Variants in PTPRD observed in about 807,000 individuals in gnomAD.
PTPRD encodes the protein receptor-type tyrosine-protein phosphatase delta.
Under a neutral mutation model 214.5 loss-of-function variants are expected in PTPRD, and 34 were observed. That is an observed-to-expected ratio of 0.16 (90% CI 0.12 to 0.21). PTPRD has a LOEUF of 0.21. Ranked by LOEUF, PTPRD falls within the 10% of genes least tolerant of loss-of-function variation. PTPRD has a pLI of 1.00. For missense variants in PTPRD, 2,545 were observed against 2,398.7 expected (o/e 1.06, Z -1.27); for synonymous variants, 1,128 against 845.7 (o/e 1.33, Z -5.79).
chr9:8,806,161 G>A (rs2096674786), intron 11 of PTPRD, among the ~76,000 whole-genome samples: 1 of 150,876 alleles, frequency 6.6e-6, no homozygotes, highest in East Asian at 2.0e-4. Flanking sequence ...CTGATCTCAG[G>A]TGATCCACCC....
intron 12 of PTPRD, among the ~76,000 whole-genome samples, chr9:8,657,751 ACTAAGT>A (rs1414444504): frequency 6.6e-6 from 1 of 152,134 alleles, no homozygotes; most frequent in Non-Finnish European, 1.5e-5. Context: ...CATACATTTT[ACTAAGT>A]CTAAGTTTTA....
At chr9:10,408,090 T>C (rs944302080) in intron 2 of PTPRD, among the ~76,000 whole-genome samples, 1 of 151,586 alleles carries the variant, frequency 6.6e-6, no homozygotes, top group Admixed American at 6.6e-5. Context: ...ATGAACCCCA[T>C]GGCATTTCCC....
chr9:9,681,450 T>C (rs1182561460), intron 7 of PTPRD, among the ~76,000 whole-genome samples: 2 of 151,740 alleles, frequency 1.3e-5, no homozygotes, highest in Non-Finnish European at 2.9e-5. Context: ...CCCCAAGCAA[T>C]ATTTGAGTAG....
chr9:8,514,357 CA>C (rs2097744347), intron 21 of PTPRD, among the ~76,000 whole-genome samples: 1 of 152,030 alleles, frequency 6.6e-6, no homozygotes, highest in Non-Finnish European at 1.5e-5. Context: ...TTCCTACCAT[CA>C]GAAAATAAAA....
At chr9:8,699,433 T>C (rs2098019640) in intron 12 of PTPRD, among the ~76,000 whole-genome samples, 1 of 152,178 alleles carries the variant, frequency 6.6e-6, no homozygotes, top group African/African-American at 2.4e-5. Flanking sequence ...TGAGGACATT[T>C]TTCCCCCATA....
Position 8,615,770 on chromosome 9 carries a change from C to T in PTPRD, c.352+17547G>A, listed in dbSNP as rs1239464369. Among the ~76,000 whole-genome samples, 5 of 152,116 alleles carry T rather than the reference C, an allele frequency of 3.3e-5. No individual in the cohort carries two copies. In the South Asian group the frequency reaches 1.0e-3, roughly 32 times the overall value. ...AAAAAAAAATTTTGAGAGGAAAATG[C>T]ATGCCCCAATAATAAATTTGTCCTT... On this transcript the variant is annotated intron_variant, in intron 14 of 45. Transcript: ENST00000381196.
At chr9:8,644,112 A>G (rs1294903922) in intron 12 of PTPRD, among the ~76,000 whole-genome samples, 1 of 151,578 alleles carries the variant, frequency 6.6e-6, no homozygotes, top group Admixed American at 6.6e-5. Flanking sequence ...AAAAGGCACG[A>G]CTCTCTCTGT....
At chr9:9,388,361 C>G (rs1183053870) in intron 9 of PTPRD, among the ~76,000 whole-genome samples, 1 of 152,158 alleles carries the variant, frequency 6.6e-6, no homozygotes, top group Non-Finnish European at 1.5e-5. Flanking sequence ...ACCACACACT[C>G]CTCTACTCAG....
chr9:10,330,181 T>C (rs1424616855), intron 3 of PTPRD, among the ~76,000 whole-genome samples: 2 of 151,846 alleles, frequency 1.3e-5, no homozygotes, highest in African/African-American at 4.8e-5. Context: ...ACTGGGACTA[T>C]GAGATTGACC....
intron 14 of PTPRD, among the ~76,000 whole-genome samples, chr9:8,537,374 C>T (rs557110934): frequency 6.6e-6 from 1 of 151,842 alleles, no homozygotes; most frequent in African/African-American, 2.4e-5. Flanking sequence ...CATGACATTC[C>T]AAATGGAACA....
At chr9:8,721,240 C>G (rs1191761293) in intron 12 of PTPRD, among the ~76,000 whole-genome samples, 1 of 151,372 alleles carries the variant, frequency 6.6e-6, no homozygotes, top group Non-Finnish European at 1.5e-5. Flanking sequence ...ACTAGCCTGC[C>G]CAACATGGCA....
chr9:9,762,975 G>A (rs2098673054), intron 6 of PTPRD, among the ~76,000 whole-genome samples: 1 of 152,176 alleles, frequency 6.6e-6, no homozygotes. Context: ...CTCTTGGCTT[G>A]TTGGTGGTTG....
intron 2 of PTPRD, among the ~76,000 whole-genome samples, chr9:10,522,672 T>C (rs1423579140): frequency 6.6e-6 from 1 of 152,018 alleles, no homozygotes; most frequent in African/African-American, 2.4e-5. Flanking sequence ...AACCATCATA[T>C]AATGTTTTAC....
chr9:10,194,193 C>G (rs748613582), intron 3 of PTPRD, among the ~76,000 whole-genome samples: 1 of 151,900 alleles, frequency 6.6e-6, no homozygotes, highest in East Asian at 1.9e-4. Flanking sequence ...CTCACTTTAT[C>G]CTCTTTATTC....
At position 9,703,704 on chromosome 9, in the gene PTPRD, A is replaced by T. The variant is rs115464509; in HGVS notation, c.-287+30829T>A. On this transcript the variant is annotated intron_variant, in intron 7 of 45. Transcript: ENST00000381196. ...CTGAGAGAAAATCTATTTGTTAATAAGTGATTTTATTTTTTTGCCAAGAAT... is the reference window on the plus strand; with the variant it reads ...CTGAGAGAAAATCTATTTGTTAATATGTGATTTTATTTTTTTGCCAAGAAT... 7.7e-3 allele frequency among the ~76,000 whole-genome samples: 1,169 copies of T among 152,280 alleles called. 11 individuals carry two copies. Among genetic ancestry groups the T allele is most frequent in the African/African-American group, 0.026 (1,062 of 41,548 alleles).
At chr9:10,439,153 G>A (rs1191662267) in intron 2 of PTPRD, among the ~76,000 whole-genome samples, 1 of 151,794 alleles carries the variant, frequency 6.6e-6, no homozygotes, top group Non-Finnish European at 1.5e-5. Context: ...AAGCCATTTA[G>A]TCTGTTTCAC....
chr9:9,445,737 C>T (rs35838700), intron 8 of PTPRD, among the ~76,000 whole-genome samples: 10,741 of 152,126 alleles, frequency 0.071, 437 homozygotes, highest in Middle Eastern at 0.099. Flanking sequence ...TCTCCTGACA[C>T]GTGGGAATTA....
chr9:9,411,031 C>A (rs950539309), intron 8 of PTPRD, among the ~76,000 whole-genome samples: 11 of 151,196 alleles, frequency 7.3e-5, no homozygotes, highest in African/African-American at 2.7e-4. Flanking sequence ...ACCACAGCTG[C>A]AAAACCTCTT....
intron 9 of PTPRD, among the ~76,000 whole-genome samples, chr9:9,302,367 C>A (rs1298340412): frequency 6.6e-6 from 1 of 151,852 alleles, no homozygotes; most frequent in Non-Finnish European, 1.5e-5. Context: ...TATTGATAGG[C>A]AGCTCTCTTT....
Sources: gnomAD v4.1 joint callset for allele counts (sites outside exome capture counted in the v4.1 genomes callset) on GRCh38, gnomAD v4.1.1 for gene constraint, MANE v1.5 for transcripts, NCBI Gene and HGNC (gene_info 2026-07-23, HGNC 2026-07-21) for gene names.